The following MYRIP variants were observed in gnomAD, a reference collection of about 807,000 sequenced individuals.
MYRIP encodes the protein rab effector MyRIP.
A neutral mutation model predicts 98.0 loss-of-function variants in MYRIP; 49 were observed. The observed-to-expected ratio is 0.50, with a 90% CI of 0.40 to 0.63. The LOEUF (loss-of-function observed/expected upper bound fraction) is 0.63. Among genes scored for constraint, MYRIP ranks in the 30% least tolerant of loss-of-function variants. The pLI, the probability that MYRIP is intolerant of heterozygous loss-of-function variation, is 0.00. For synonymous variants in MYRIP, 404 were observed against 409.5 expected, an observed-to-expected ratio of 0.99 and a Z score of 0.16; for missense variants, 1,004 against 1,058.2, an observed-to-expected ratio of 0.95 and a Z score of 0.71.
chr3:39,931,543 G>T (rs1406519470), intron 2 of MYRIP, among the ~76,000 whole-genome samples: 1 of 151,554 alleles, frequency 6.6e-6, no homozygotes, highest in African/African-American at 2.4e-5. Flanking sequence ...AGGATCTCCA[G>T]TACAATACTG....
At chr3:39,965,312 T>C (rs1435313485) in intron 2 of MYRIP, among the ~76,000 whole-genome samples, 1 of 152,132 alleles carries the variant, frequency 6.6e-6, no homozygotes, top group East Asian at 1.9e-4. Context: ...TAACTCTGAA[T>C]TGCATTAAAA....
chr3:40,090,289 C>A (rs537642197), intron 3 of MYRIP, among the ~76,000 whole-genome samples: 2 of 152,214 alleles, frequency 1.3e-5, no homozygotes, highest in South Asian at 4.2e-4. Flanking sequence ...GTGCTCTGTG[C>A]TGAAATTCAC....
intron 2 of MYRIP, among the ~76,000 whole-genome samples, chr3:39,931,275 A>AT (rs925373636): frequency 6.6e-6 from 1 of 151,386 alleles, no homozygotes; most frequent in Admixed American, 6.6e-5. Context: ...ATACTCAGGT[A>AT]TTTTTTTTCT....
chr3:40,001,343 G>T (rs1946515732), intron 2 of MYRIP, among the ~76,000 whole-genome samples: 1 of 152,200 alleles, frequency 6.6e-6, no homozygotes, highest in African/African-American at 2.4e-5. Context: ...AAAGGATGTG[G>T]AAACTTTTGG....
In MYRIP at chr3:39,932,728, G is replaced by A. The variant is rs41450352; in HGVS notation, c.110+31802G>A. ...CCAGAAGTGGTCAGAGAGATCCATC[G>A]TCAAGAATTTTGAGAGTTCATTGAG... On this transcript the variant is annotated intron_variant, in intron 2 of 16. Coordinates refer to ENST00000302541, the MANE Select transcript of MYRIP (RefSeq NM_015460.4). Among the ~76,000 whole-genome samples, 972 of 152,166 alleles carry A rather than the reference G, an allele frequency of 6.4e-3. 14 individuals carry two copies. The highest frequency in any genetic ancestry group is 0.023 in the African/African-American group (940 of 41,504).
At chr3:39,900,729 T>C in intron 1 of MYRIP, 58 bp from the exon 2 acceptor site, 1 of 898,978 alleles carries the variant, frequency 1.1e-6, no homozygotes, top group Non-Finnish European at 1.8e-6. Flanking sequence ...AATAACAAAA[T>C]AGGTTGATTT....
chr3:40,244,233 G>C (rs182911552), intron 12 of MYRIP, among the ~76,000 whole-genome samples: 11 of 152,340 alleles, frequency 7.2e-5, no homozygotes, highest in African/African-American at 2.4e-4. Flanking sequence ...AGGAAAGTTT[G>C]TGGGAGAGGG....
intron 1 of MYRIP, among the ~76,000 whole-genome samples, chr3:39,855,397 A>G (rs1202931424): frequency 1.3e-5 from 2 of 152,108 alleles, no homozygotes; most frequent in African/African-American, 4.8e-5. Context: ...TAAAGCTCCC[A>G]AAAGTTTCTA....
At chr3:39,842,791 C>G (rs1187884132) in intron 1 of MYRIP, among the ~76,000 whole-genome samples, 1 of 152,184 alleles carries the variant, frequency 6.6e-6, no homozygotes, top group African/African-American at 2.4e-5. Flanking sequence ...GGGCTGCACC[C>G]ACTGTCTAAC....
Position 39,889,079 on chromosome 3 carries a change from T to G in MYRIP, c.-30-11708T>G, listed in dbSNP as rs531601393. Among the ~76,000 whole-genome samples the G allele has an allele frequency of 1.5e-4, 23 of 152,098 alleles. No homozygotes were observed. The East Asian group carries it at 1.5e-3, about 10-fold the overall frequency. ...AATAGGAACACTTTTACACTGTTGGTGGGACTGTAAACTAGTTCAACCATT... is the reference window on the plus strand; with the variant it reads ...AATAGGAACACTTTTACACTGTTGGGGGGACTGTAAACTAGTTCAACCATT... On this transcript the variant is annotated intron_variant, in intron 1 of 16. Coordinates refer to ENST00000302541, the MANE Select transcript of MYRIP (RefSeq NM_015460.4).
intron 3 of MYRIP, among the ~76,000 whole-genome samples, chr3:40,138,789 C>T (rs1396955000): frequency 1.3e-5 from 2 of 152,190 alleles, no homozygotes; most frequent in African/African-American, 4.8e-5. Context: ...AACATAGCTG[C>T]CATGTCAAGT....
At position 40,189,886 on chromosome 3, in the gene MYRIP, C is replaced by T; in HGVS notation, c.1088C>T (p.Pro363Leu). The T allele has an allele frequency of 6.2e-7, 1 of 1,614,186 alleles. No homozygotes were observed. Among genetic ancestry groups the T allele is most frequent in the South Asian group, 1.1e-5 (1 of 91,082 alleles). Residue 363 changes from proline to leucine, a missense_variant, in exon 10 of 17, where the codon CCA becomes CTA. Pro to Leu is a moderately conservative substitution (Grantham distance 98). Coordinates refer to ENST00000302541, the MANE Select transcript of MYRIP (RefSeq NM_015460.4). ...TGGGTGGCCCTGAAGGATGGCGCTC[C>T]ACCCCCCACCCGACTACTGGCCAAA... ...GNWVALKDGA[P>L]PPTRLLAKPK... is the part of the protein sequence containing the mutation.
At chr3:40,062,905 A>C (rs1201247256) in intron 3 of MYRIP, among the ~76,000 whole-genome samples, 2 of 152,188 alleles carry the variant, frequency 1.3e-5, no homozygotes, top group African/African-American at 4.8e-5. Context: ...CAAGTCAAAG[A>C]AAGTTACTGT....
intron 2 of MYRIP, among the ~76,000 whole-genome samples, chr3:39,918,416 A>G (rs1944223536): frequency 6.6e-6 from 1 of 152,200 alleles, no homozygotes; most frequent in Admixed American, 6.5e-5. Flanking sequence ...TGAAGCTGTG[A>G]GAGTTACCCC....
chr3:40,006,359 A>G (rs1490960894), intron 2 of MYRIP, among the ~76,000 whole-genome samples: 1 of 152,160 alleles, frequency 6.6e-6, no homozygotes, highest in Non-Finnish European at 1.5e-5. Flanking sequence ...ACTGTACTCC[A>G]GCCTGGGTGA....
At chr3:40,240,520 A>C (rs1419533443) in intron 12 of MYRIP, among the ~76,000 whole-genome samples, 1 of 152,192 alleles carries the variant, frequency 6.6e-6, no homozygotes, top group Non-Finnish European at 1.5e-5. Context: ...CTAGTCAAAG[A>C]AAGTGGTGAC....
intron 1 of MYRIP, among the ~76,000 whole-genome samples, chr3:39,830,404 C>G (rs1438928457): frequency 6.6e-6 from 1 of 152,106 alleles, no homozygotes; most frequent in African/African-American, 2.4e-5. Context: ...AGTCCTTGTA[C>G]TCTCTTATTC....
At position 40,189,768 on chromosome 3, in the gene MYRIP, A is replaced by G. The variant is rs147535122; in HGVS notation, c.1028-58A>G. ...TGGGGAGGTAACAAGTGGCAACTTC[A>G]TCTTGCATTAAAGTGATAACAGCCC... On this transcript the variant is annotated intron_variant, in intron 9 of 16. Transcript: ENST00000302541. The G allele has an allele frequency of 5.0e-4, 749 of 1,505,728 alleles. 1 individual carries two copies. The highest frequency in any genetic ancestry group is 7.1e-4 in the Middle Eastern group (3 of 4,240). 93.3% of individuals were successfully genotyped at this position (1,505,728 alleles called of 1,614,324 possible). A position where few individuals can be genotyped will look rare whatever the true frequency, so the allele number is the denominator to read the frequency against.
intron 11 of MYRIP, among the ~76,000 whole-genome samples, chr3:40,227,097 C>T (rs1952511413): frequency 6.6e-6 from 1 of 152,238 alleles, no homozygotes; most frequent in Non-Finnish European, 1.5e-5. Flanking sequence ...TGTCTCCTGA[C>T]TGCTTCCCCC....
Sources: gnomAD v4.1 joint callset for allele counts (sites outside exome capture counted in the v4.1 genomes callset) on GRCh38, gnomAD v4.1.1 for gene constraint, MANE v1.5 for transcripts, NCBI Gene and HGNC (gene_info 2026-07-23, HGNC 2026-07-21) for gene names.